Variants in PDE4D observed in about 807,000 individuals in gnomAD.
PDE4D encodes phosphodiesterase 4D, also known as 3',5'-cyclic-AMP phosphodiesterase 4D.
Under a neutral mutation model 87.4 loss-of-function variants are expected in PDE4D, and 24 were observed. That is an observed-to-expected ratio of 0.27 (90% CI 0.20 to 0.39). The LOEUF is 0.39. Ranked by LOEUF, PDE4D falls within the 10% of genes least tolerant of loss-of-function variation. PDE4D has a pLI of 1.00. For missense variants in PDE4D, 714 were observed against 1,041.0 expected, an observed-to-expected ratio of 0.69 and a Z score of 4.32; for synonymous variants, 384 against 383.2, an observed-to-expected ratio of 1.00 and a Z score of -0.02.
At chr5:59,222,090 C>T (rs1330713236) in intron 1 of PDE4D, among the ~76,000 whole-genome samples, 4 of 152,142 alleles carry the variant, frequency 2.6e-5, no homozygotes, top group Non-Finnish European at 5.9e-5. Context: ...AACCAGCCCC[C>T]TACAAGAAAC....
At chr5:60,246,092 A>G (rs150192557) in intron 1 of PDE4D, among the ~76,000 whole-genome samples, 12 of 151,912 alleles carry the variant, frequency 7.9e-5, no homozygotes, top group Admixed American at 6.6e-4. Flanking sequence ...AAAAAAATTA[A>G]AAGTTAATTT....
intron 1 of PDE4D, among the ~76,000 whole-genome samples, chr5:59,487,595 T>C (rs1310836079): frequency 6.6e-6 from 1 of 151,880 alleles, no homozygotes; most frequent in Non-Finnish European, 1.5e-5. Flanking sequence ...CCAGAAAGCA[T>C]TTAAGGCAGT....
chr5:60,055,817 A>G (rs762035918), intron 2 of PDE4D, among the ~76,000 whole-genome samples: 3 of 152,110 alleles, frequency 2.0e-5, no homozygotes, highest in Non-Finnish European at 4.4e-5. Flanking sequence ...ACTCTCTTTC[A>G]TACTACAGGT....
chr5:60,031,448 G>A (rs1767235504), intron 2 of PDE4D, among the ~76,000 whole-genome samples: 1 of 152,148 alleles, frequency 6.6e-6, no homozygotes, highest in African/African-American at 2.4e-5. Context: ...AAAAAAATTG[G>A]TGAATCCTAA....
rs868696119 is a variant in PDE4D at position 59,520,922 on chromosome 5, G to T, written c.456-304954C>A. ...ACACATATATACACGTTGTGTGTGTGTGTCTGTATGTGTGTATATATATAT... is the reference window on the plus strand; with the variant it reads ...ACACATATATACACGTTGTGTGTGTTTGTCTGTATGTGTGTATATATATAT... On this transcript the variant is annotated intron_variant, in intron 1 of 14. Transcript: ENST00000340635. Among the ~76,000 whole-genome samples, 6 of 152,074 alleles carry T rather than the reference G, an allele frequency of 3.9e-5. 1 individual carries two copies. The Middle Eastern group carries it at 0.014, about 345-fold the overall frequency.
intron 1 of PDE4D, among the ~76,000 whole-genome samples, chr5:59,401,478 A>ATCTATCTATCTG (rs1554161243): frequency 9.3e-5 from 14 of 150,868 alleles, no homozygotes; most frequent in African/African-American, 2.7e-4. Flanking sequence ...CTATCTATCT[A>ATCTATCTATCTG]TCTATCTATT....
intron 1 of PDE4D, among the ~76,000 whole-genome samples, chr5:60,220,807 T>G (rs1347097126): frequency 6.6e-6 from 1 of 152,200 alleles, no homozygotes; most frequent in Admixed American, 6.5e-5. Context: ...TATCAAAGCA[T>G]AGTGAAATAC....
chr5:59,335,616 T>A (rs1005112328), intron 1 of PDE4D, among the ~76,000 whole-genome samples: 1 of 152,158 alleles, frequency 6.6e-6, no homozygotes, highest in African/African-American at 2.4e-5. Flanking sequence ...ACTTTTTTTT[T>A]AAGATTCTGC....
intron 1 of PDE4D, among the ~76,000 whole-genome samples, chr5:59,601,957 A>G (rs1468886703): frequency 6.6e-6 from 1 of 152,186 alleles, no homozygotes; most frequent in East Asian, 1.9e-4. Flanking sequence ...AAAGCCAGAG[A>G]AGGACACTAC....
At chr5:59,151,716 T>C (rs1307243813) in intron 5 of PDE4D, among the ~76,000 whole-genome samples, 1 of 152,054 alleles carries the variant, frequency 6.6e-6, no homozygotes, top group Non-Finnish European at 1.5e-5. Context: ...AGAGAGATGG[T>C]GCGAAAGCAG....
intron 2 of PDE4D, among the ~76,000 whole-genome samples, chr5:60,044,579 T>G (rs1448326418): frequency 1.3e-5 from 2 of 152,028 alleles, no homozygotes; most frequent in African/African-American, 4.8e-5. Flanking sequence ...GTGTTCTCAT[T>G]GTTCAATTCC....
intron 2 of PDE4D, among the ~76,000 whole-genome samples, chr5:60,143,877 A>G (rs1390149240): frequency 1.3e-5 from 2 of 152,174 alleles, no homozygotes; most frequent in African/African-American, 4.8e-5. Flanking sequence ...AGTTATATCA[A>G]GAAGGAGAGC....
intron 1 of PDE4D, among the ~76,000 whole-genome samples, chr5:59,840,257 C>A (rs1379281498): frequency 6.6e-6 from 1 of 151,672 alleles, no homozygotes; most frequent in Non-Finnish European, 1.5e-5. Flanking sequence ...CACACACACA[C>A]ACACACACAT....
intron 1 of PDE4D, among the ~76,000 whole-genome samples, chr5:59,303,184 C>G (rs922133140): frequency 2.6e-5 from 4 of 152,086 alleles, no homozygotes; most frequent in African/African-American, 9.7e-5. Flanking sequence ...ATTTGTATAT[C>G]TTCTTTTGTG....
intron 5 of PDE4D, among the ~76,000 whole-genome samples, chr5:59,113,348 TACA>T (rs2153440462): frequency 6.6e-6 from 1 of 152,332 alleles, no homozygotes; most frequent in African/African-American, 2.4e-5. Context: ...ACTCTGAAAA[TACA>T]TCAACATTTG....
At chr5:59,201,212 A>G (rs1363490297) in intron 2 of PDE4D, among the ~76,000 whole-genome samples, 2 of 152,140 alleles carry the variant, frequency 1.3e-5, no homozygotes, top group Admixed American at 6.5e-5. Flanking sequence ...TATTTTAATT[A>G]AATATACATA....
rs1743820930 is a variant in PDE4D at position 58,976,452 on chromosome 5, T to G, written c.1728A>C (p.Ser576=). Residue 576 remains serine, a synonymous_variant, in exon 13 of 15, where the codon TCA becomes TCC. Coordinates refer to ENST00000340635, the MANE Select transcript of PDE4D (RefSeq NM_001104631.2). ...AATCAGCCAGTAGATTCATGTGTTT[T>G]GACATATCTGTTGCAAGTACCTTAA... ...VIDIVLATDM[S]KHMNLLADLK... 1.3e-6 allele frequency: 2 copies of G among 1,578,888 alleles called. No homozygotes were observed. Among genetic ancestry groups the G allele is most frequent in the Non-Finnish European group, 1.7e-6 (2 of 1,160,574 alleles).
At chr5:60,489,278 C>T (rs936906670), upstream of PDE4D, among the ~76,000 whole-genome samples, 1 of 152,174 alleles carries the variant, frequency 6.6e-6, no homozygotes, top group African/African-American at 2.4e-5. Context: ...TGGCAATAAA[C>T]TTGTACATAA....
chr5:59,729,120 G>C (rs1757019863), intron 1 of PDE4D, among the ~76,000 whole-genome samples: 1 of 152,034 alleles, frequency 6.6e-6, no homozygotes, highest in Non-Finnish European at 1.5e-5. Flanking sequence ...GAAAGAAAGA[G>C]GAATCATTCT....
Sources: allele counts gnomAD v4.1 joint callset (sites outside exome capture counted in the v4.1 genomes callset), GRCh38; gene constraint gnomAD v4.1.1; transcripts MANE v1.5; gene names NCBI Gene and HGNC (gene_info 2026-07-23, HGNC 2026-07-21).